The following UGT2A1 variants were observed in gnomAD, a reference collection of about 807,000 sequenced individuals.
The protein encoded by UGT2A1 is UDP-glucuronosyltransferase 2A1.
A neutral mutation model predicts 45.4 loss-of-function variants in UGT2A1; 61 were observed. That is an observed-to-expected ratio of 1.34 (90% CI 1.09 to 1.66). UGT2A1 has a LOEUF of 1.66. Among genes scored for constraint, UGT2A1 ranks in the 40% most tolerant of loss-of-function variants. The probability of loss-of-function intolerance (pLI) is 0.00; values close to 1 mark genes in which losing one functional copy is unlikely to be tolerated. For missense variants in UGT2A1, 649 were observed against 574.3 expected (o/e 1.13, Z -1.33); for synonymous variants, 229 against 196.2 (o/e 1.17, Z -1.40).
Position 69,596,404 on chromosome 4 carries a change from AT to A in UGT2A1, c.997-1156del, listed in dbSNP as rs757976402. ...TTCCTGCATACATAATATATTTTCT[AT>A]TACAAAGGTGTAGCATCATAAGAAA... On this transcript the variant is annotated intron_variant, in intron 4 of 6. Coordinates refer to ENST00000286604, the MANE Select transcript of UGT2A1 (RefSeq NM_001252275.3). 4 of 1,536,216 alleles carry A rather than the reference AT, an allele frequency of 2.6e-6. No homozygotes were observed. The South Asian group carries it at 5.1e-5, about 19-fold the overall frequency.
At chr4:69,632,834 G>A (rs962451533) in intron 3 of UGT2A1, among the ~76,000 whole-genome samples, 3 of 151,240 alleles carry the variant, frequency 2.0e-5, no homozygotes, top group Admixed American at 2.0e-4. Context: ...GTTGCAGTGA[G>A]CCGAGATTGC....
chr4:69,636,882 G>A (rs1721739671), intron 2 of UGT2A1, among the ~76,000 whole-genome samples: 1 of 152,104 alleles, frequency 6.6e-6, no homozygotes, highest in Non-Finnish European at 1.5e-5. Flanking sequence ...TGACTCTAAA[G>A]TTTCAGTTAC....
chr4:69,597,323 G>A (rs1161170933), intron 4 of UGT2A1, among the ~76,000 whole-genome samples: 1 of 152,136 alleles, frequency 6.6e-6, no homozygotes, highest in Admixed American at 6.5e-5. Flanking sequence ...TGCCATGAGT[G>A]TGATGTTAGC....
In UGT2A1 at chr4:69,589,559, A is replaced by C; in HGVS notation, c.1397T>G (p.Met466Arg). 4 of 1,614,122 alleles carry C rather than the reference A, an allele frequency of 2.5e-6. No individual in the cohort carries two copies. Among genetic ancestry groups the C allele is most frequent in the Non-Finnish European group, 3.4e-6 (4 of 1,179,962 alleles). ...DRAVFWIEFV[M>R]RHKGAKHLRV... ...AAGGTGCTTGGCTCCTTTGTGGCGC[A>C]TGACAAACTCGATCCAGAAGACTGC... is the stretch of plus-strand genomic sequence containing the variant. The change falls in exon 7 of 7, where the codon ATG becomes AGG. Residue 466 changes from methionine to arginine, a missense_variant. Coordinates refer to ENST00000286604, the MANE Select transcript of UGT2A1 (RefSeq NM_001252275.3).
At chr4:69,597,166 C>T (rs144748337) in intron 4 of UGT2A1, among the ~76,000 whole-genome samples, 54 of 152,184 alleles carry the variant, frequency 3.5e-4, no homozygotes, top group African/African-American at 1.3e-3. Flanking sequence ...CTGTATGCCT[C>T]CTTTGATTCA....
intron 4 of UGT2A1, among the ~76,000 whole-genome samples, chr4:69,598,172 C>T (rs895701197): frequency 6.6e-6 from 1 of 151,854 alleles, no homozygotes; most frequent in Non-Finnish European, 1.5e-5. Context: ...ACTTGACTGG[C>T]CAGAAAATCC....
chr4:69,647,659 C>G lies in UGT2A1; in HGVS notation c.-15G>C. Reference sequence around the variant, plus strand: ...TTGTTTAACATGATGTGGCTTGATGCAGAAGATTTGATGAGATGTGAAGCA... The same window carrying G: ...TTGTTTAACATGATGTGGCTTGATGGAGAAGATTTGATGAGATGTGAAGCA... On this transcript the variant is annotated 5_prime_UTR_variant, in exon 2 of 7. Coordinates refer to ENST00000286604, the MANE Select transcript of UGT2A1 (RefSeq NM_001252275.3). 6.7e-7 allele frequency: 1 copy of G among 1,498,762 alleles called. No homozygotes were observed. The highest frequency in any genetic ancestry group is 9.0e-7 in the Non-Finnish European group (1 of 1,115,124). The allele number at this position is 1,498,762 out of a possible 1,614,324, so 92.8% of individuals were successfully genotyped here. A position where few individuals can be genotyped will look rare whatever the true frequency, so the allele number is the denominator to read the frequency against.
intron 3 of UGT2A1, among the ~76,000 whole-genome samples, chr4:69,630,149 C>A (rs1279527760): frequency 6.6e-6 from 1 of 151,856 alleles, no homozygotes; most frequent in Non-Finnish European, 1.5e-5. Context: ...TGGATCAGGG[C>A]TCTAAGTTTC....
At chr4:69,590,999 C>T (rs1003059018) in intron 6 of UGT2A1, among the ~76,000 whole-genome samples, 5 of 152,034 alleles carry the variant, frequency 3.3e-5, no homozygotes, top group African/African-American at 7.2e-5. Flanking sequence ...CTACACTATA[C>T]CTTGTGTTCC....
chr4:69,595,104 C>G, intron 5 of UGT2A1, 58 bp downstream of exon 5: 1 of 1,585,998 alleles, frequency 6.3e-7, no homozygotes, highest in Non-Finnish European at 8.7e-7. Context: ...TGCTATTAAA[C>G]AGTTACTTAA....
chr4:69,603,024 G>C (rs972178568), intron 3 of UGT2A1, among the ~76,000 whole-genome samples: 2 of 134,422 alleles, frequency 1.5e-5, no homozygotes, highest in Non-Finnish European at 3.1e-5. Flanking sequence ...CCAAGATCAC[G>C]CCACTGCAAT....
At chr4:69,615,844 G>T (rs954413644) in intron 3 of UGT2A1, among the ~76,000 whole-genome samples, 1 of 150,592 alleles carries the variant, frequency 6.6e-6, no homozygotes, top group African/African-American at 2.4e-5. Flanking sequence ...ATGGAGAAGA[G>T]TGTGGATATT....
chr4:69,599,645 G>A (rs1577951219), intron 3 of UGT2A1: 12 of 360,498 alleles, frequency 3.3e-5, no homozygotes, highest in South Asian at 2.2e-4. Flanking sequence ...GGGAGAGAGA[G>A]GAAAGCAAGG....
At chr4:69,640,828 A>G (rs900544656) in intron 2 of UGT2A1, among the ~76,000 whole-genome samples, 3 of 151,782 alleles carry the variant, frequency 2.0e-5, no homozygotes, top group African/African-American at 7.2e-5. Flanking sequence ...TAGTGGCAGT[A>G]CCTTAAAAAT....
intron 4 of UGT2A1, chr4:69,596,443 T>A: frequency 7.0e-7 from 1 of 1,420,090 alleles, no homozygotes; most frequent in African/African-American, 1.5e-5. Context: ...ATAAGTTTAC[T>A]TACACATTTA....
At chr4:69,612,559 A>G (rs1163614642) in intron 3 of UGT2A1, among the ~76,000 whole-genome samples, 1 of 152,046 alleles carries the variant, frequency 6.6e-6, no homozygotes, top group Non-Finnish European at 1.5e-5. Flanking sequence ...AGCAGAAAAC[A>G]AAACTCATTA....
At chr4:69,626,566 A>G (rs1446802228) in intron 3 of UGT2A1, among the ~76,000 whole-genome samples, 1 of 151,678 alleles carries the variant, frequency 6.6e-6, no homozygotes, top group Admixed American at 6.6e-5. Context: ...TTATTCATCC[A>G]TCAAGCCTTA....
At chr4:69,646,623 C>T (rs947715418) in intron 2 of UGT2A1, among the ~76,000 whole-genome samples, 5 of 151,734 alleles carry the variant, frequency 3.3e-5, no homozygotes, top group Non-Finnish European at 7.4e-5. Context: ...AGTTTCTAGG[C>T]AATTTCTATT....
At position 69,594,683 on chromosome 4, in the gene UGT2A1, G is replaced by T. The variant is rs750500169; in HGVS notation, c.1098C>A (p.Thr366=). The T allele has an allele frequency of 8.7e-6, 14 of 1,613,418 alleles. No individual in the cohort carries two copies. The highest frequency in any genetic ancestry group is 1.2e-5 in the Non-Finnish European group (14 of 1,179,742). Residue 366 remains threonine (T), a synonymous_variant, in exon 6 of 7, where the codon ACC becomes ACA. Transcript: ENST00000286604. ...TTCCACCATGAGTGATAAAAGCTTT[G>T]GTTTTGGGATGTCCTAATTTGAGGA... The part of the protein sequence containing the change: ...PQNDLLGHPK[T]KAFITHGGTN...
Sources: allele counts gnomAD v4.1 joint callset (sites outside exome capture counted in the v4.1 genomes callset), GRCh38; gene constraint gnomAD v4.1.1; transcripts MANE v1.5; gene names NCBI Gene and HGNC (gene_info 2026-07-23, HGNC 2026-07-21).